PEBP4: variants seen among roughly 807,000 people sequenced by gnomAD.
PEBP4 encodes phosphatidylethanolamine-binding protein 4.
PEBP4 carries 22 observed loss-of-function variants against 23.9 expected under a neutral mutation model. That is an observed-to-expected ratio of 0.92 (90% confidence interval 0.66 to 1.31). The LOEUF (loss-of-function observed/expected upper bound fraction) is 1.31, where lower values mean the gene tolerates loss of function less well. Among genes scored for constraint, PEBP4 ranks in the 40% most tolerant of loss-of-function variants. The pLI is 0.00. For synonymous variants in PEBP4, 112 were observed against 99.3 expected (o/e 1.13, Z -0.76); for missense variants, 324 against 281.7 (o/e 1.15, Z -1.07).
rs752115793 is a variant in PEBP4 at position 22,920,324 on chromosome 8, G to A, written c.132-14C>T. The A allele has an allele frequency of 7.5e-6, 12 of 1,604,872 alleles. No homozygotes were observed. The highest frequency in any genetic ancestry group is 1.7e-4 in the Middle Eastern group (1 of 6,052). On this transcript the variant is annotated splice_polypyrimidine_tract_variant and intron_variant, in intron 2 of 6. Transcript: ENST00000256404. The stretch of plus-strand genomic sequence containing the variant: ...ACTTCAAGGCCCCTATGAAGAGAGA[G>A]GGGAGGTTGCCCTGTGTCAGGGTTT...
At chr8:22,862,069 TG>T (rs1328989379) in intron 3 of PEBP4, among the ~76,000 whole-genome samples, 1 of 152,032 alleles carries the variant, frequency 6.6e-6, no homozygotes, top group Non-Finnish European at 1.5e-5. Flanking sequence ...GGAGTATTGA[TG>T]GGGAGAAGAG....
At chr8:22,831,510 C>G (rs1447908513) in intron 3 of PEBP4, among the ~76,000 whole-genome samples, 2 of 152,146 alleles carry the variant, frequency 1.3e-5, no homozygotes, top group Admixed American at 1.3e-4. Context: ...TGATTGAGCT[C>G]TTTTCATATA....
At chr8:22,840,990 A>T (rs923451485) in intron 3 of PEBP4, among the ~76,000 whole-genome samples, 1 of 152,256 alleles carries the variant, frequency 6.6e-6, no homozygotes, top group East Asian at 1.9e-4. Context: ...TGTAATCAGC[A>T]ATAAAAGATT....
At chr8:22,934,277 T>C (rs1389851210) in intron 1 of PEBP4, among the ~76,000 whole-genome samples, 1 of 152,178 alleles carries the variant, frequency 6.6e-6, no homozygotes, top group Non-Finnish European at 1.5e-5. Flanking sequence ...GGGTATATAA[T>C]AATGTAAACT....
intron 4 of PEBP4, among the ~76,000 whole-genome samples, chr8:22,784,156 C>G (rs536353314): frequency 1.4e-4 from 22 of 152,266 alleles, no homozygotes; most frequent in African/African-American, 5.3e-4. Flanking sequence ...AGCAGGTGCC[C>G]CATCTTTGTT....
chr8:22,922,709 G>A (rs1443856890), intron 2 of PEBP4, among the ~76,000 whole-genome samples: 2 of 152,052 alleles, frequency 1.3e-5, no homozygotes, highest in African/African-American at 4.8e-5. Flanking sequence ...CTGGGTGACA[G>A]AGCAAGACCC....
chr8:22,932,254 G>C (rs1585163103), upstream of PEBP4, among the ~76,000 whole-genome samples: 2 of 152,110 alleles, frequency 1.3e-5, no homozygotes, highest in Non-Finnish European at 2.9e-5. Flanking sequence ...GGGATAAGAC[G>C]TGAATGAGAG....
intron 6 of PEBP4, among the ~76,000 whole-genome samples, chr8:22,723,207 C>T (rs186791697): frequency 2.0e-5 from 3 of 152,148 alleles, no homozygotes; most frequent in Admixed American, 1.3e-4. Context: ...AGGCCCAGCG[C>T]GTTTTGGCTT....
At chr8:22,808,890 C>T (rs1806556937) in intron 4 of PEBP4, among the ~76,000 whole-genome samples, 1 of 152,184 alleles carries the variant, frequency 6.6e-6, no homozygotes, top group Non-Finnish European at 1.5e-5. Flanking sequence ...AGCCACAGTG[C>T]TGAGAGCGGT....
chr8:22,861,881 T>C (rs774483127), intron 3 of PEBP4, among the ~76,000 whole-genome samples: 5 of 152,210 alleles, frequency 3.3e-5, no homozygotes, highest in Non-Finnish European at 7.3e-5. Context: ...AATCTTGCGC[T>C]TTAGCGATAA....
chr8:22,730,224 G>A (rs764373602), intron 4 of PEBP4, among the ~76,000 whole-genome samples: 2 of 152,150 alleles, frequency 1.3e-5, no homozygotes, highest in East Asian at 1.9e-4. Flanking sequence ...CCTCCCACCC[G>A]ATTTTAGCTC....
At chr8:22,748,863 C>T (rs767953817) in intron 4 of PEBP4, among the ~76,000 whole-genome samples, 5 of 152,156 alleles carry the variant, frequency 3.3e-5, no homozygotes, top group Non-Finnish European at 7.3e-5. Context: ...GATTTAGGTG[C>T]GGACTTGCCT....
At chr8:22,840,479 C>A (rs1807302215) in intron 3 of PEBP4, among the ~76,000 whole-genome samples, 1 of 151,382 alleles carries the variant, frequency 6.6e-6, no homozygotes, top group Non-Finnish European at 1.5e-5. Flanking sequence ...TGGGCCCAAG[C>A]AATCTTCCTG....
upstream of PEBP4, among the ~76,000 whole-genome samples, chr8:22,932,674 C>T (rs1809476094): frequency 6.8e-6 from 1 of 148,122 alleles, no homozygotes; most frequent in African/African-American, 2.6e-5. Context: ...GAGAAGGAGA[C>T]CCTGTCTCAA....
chr8:22,813,762 A>T (rs1806682546), intron 4 of PEBP4, among the ~76,000 whole-genome samples: 1 of 152,222 alleles, frequency 6.6e-6, no homozygotes, highest in African/African-American at 2.4e-5. Flanking sequence ...AGAGGGAGCC[A>T]AGTGGGACAG....
chr8:22,851,075 G>A (rs1218255663), intron 3 of PEBP4, among the ~76,000 whole-genome samples: 1 of 152,208 alleles, frequency 6.6e-6, no homozygotes, highest in African/African-American at 2.4e-5. Flanking sequence ...ACTGAAGATC[G>A]AGAGGCGGGG....
At chr8:22,813,990 G>C (rs1806688682) in intron 4 of PEBP4, among the ~76,000 whole-genome samples, 1 of 152,158 alleles carries the variant, frequency 6.6e-6, no homozygotes, top group Non-Finnish European at 1.5e-5. Context: ...AATTTTGTTT[G>C]CGTTTGTGTC....
At chr8:22,863,221 A>G (rs1807818222) in intron 3 of PEBP4, among the ~76,000 whole-genome samples, 1 of 152,100 alleles carries the variant, frequency 6.6e-6, no homozygotes, top group South Asian at 2.1e-4. Flanking sequence ...AAGGCCCCAC[A>G]TTCCTGCTGC....
At chr8:22,936,008 A>G (rs576271984) in intron 1 of PEBP4, among the ~76,000 whole-genome samples, 13 of 149,890 alleles carry the variant, frequency 8.7e-5, no homozygotes, top group African/African-American at 2.9e-4. Context: ...TTACACCTTA[A>G]GGAGCTAGGG....
Sources: gnomAD v4.1 joint callset for allele counts (sites outside exome capture counted in the v4.1 genomes callset) on GRCh38, gnomAD v4.1.1 for gene constraint, MANE v1.5 for transcripts, NCBI Gene and HGNC (gene_info 2026-07-23, HGNC 2026-07-21) for gene names.